The following EEFSEC variants were observed in gnomAD, a reference collection of about 807,000 sequenced individuals.
EEFSEC encodes eukaryotic elongation factor, selenocysteine-tRNA specific.
Under a neutral mutation model 42.1 loss-of-function variants are expected in EEFSEC, and 43 were observed. The ratio of observed to expected loss-of-function variants is 1.02; its 90% CI spans 0.80 to 1.32. The LOEUF (loss-of-function observed/expected upper bound fraction) is 1.32, where lower values mean the gene tolerates loss of function less well. Ranked by LOEUF, EEFSEC falls within the 40% of genes most tolerant of loss-of-function variation. EEFSEC has a pLI of 0.00. For missense variants in EEFSEC, 745 were observed against 803.6 expected (o/e 0.93, Z 0.88); for synonymous variants, 354 against 339.1 (o/e 1.04, Z -0.48).
At chr3:128,157,713 C>T (rs920530127) in intron 1 of EEFSEC, among the ~76,000 whole-genome samples, 12 of 152,200 alleles carry the variant, frequency 7.9e-5, no homozygotes, top group Non-Finnish European at 1.2e-4. Context: ...AAAAATACTC[C>T]TTTCAAAATA....
At chr3:128,322,318 G>A (rs1010373709) in intron 4 of EEFSEC, among the ~76,000 whole-genome samples, 2 of 152,246 alleles carry the variant, frequency 1.3e-5, no homozygotes, top group East Asian at 1.9e-4. Flanking sequence ...TGGAGGGACC[G>A]TGTCCCTACC....
downstream of EEFSEC, among the ~76,000 whole-genome samples, chr3:128,412,723 A>G (rs1301701383): frequency 3.9e-5 from 6 of 152,228 alleles, no homozygotes; most frequent in African/African-American, 7.2e-5. Context: ...TTTGACTGAT[A>G]ACGGGGTTGA....
At chr3:128,349,471 T>A (rs2067356888) in intron 5 of EEFSEC, among the ~76,000 whole-genome samples, 1 of 152,148 alleles carries the variant, frequency 6.6e-6, no homozygotes, top group South Asian at 2.1e-4. Flanking sequence ...TAGTAACAAA[T>A]CATGACTTTT....
intron 4 of EEFSEC, among the ~76,000 whole-genome samples, chr3:128,293,822 A>G (rs1306006172): frequency 6.6e-6 from 1 of 152,154 alleles, no homozygotes; most frequent in Non-Finnish European, 1.5e-5. Flanking sequence ...TAATTTTTCT[A>G]AAAGGGTAAT....
chr3:128,246,377 C>G (rs1355791620), intron 1 of EEFSEC, among the ~76,000 whole-genome samples: 1 of 152,254 alleles, frequency 6.6e-6, no homozygotes, highest in African/African-American at 2.4e-5. Context: ...TAATCCTCCC[C>G]CTTCTGCCTC....
intron 5 of EEFSEC, among the ~76,000 whole-genome samples, chr3:128,357,910 T>C (rs2067476401): frequency 6.6e-6 from 1 of 151,802 alleles, no homozygotes; most frequent in South Asian, 2.1e-4. Context: ...CATTTCCTCA[T>C]CTGTAAAGTG....
chr3:128,177,998 T>C (rs1048696843), intron 1 of EEFSEC, among the ~76,000 whole-genome samples: 2 of 152,188 alleles, frequency 1.3e-5, no homozygotes, highest in Admixed American at 6.5e-5. Context: ...ACAAACATGA[T>C]AGACCTCAAG....
At chr3:128,301,656 G>C (rs1268899612) in intron 4 of EEFSEC, among the ~76,000 whole-genome samples, 2 of 152,138 alleles carry the variant, frequency 1.3e-5, no homozygotes, top group Admixed American at 1.3e-4. Context: ...TCTTCCTTCT[G>C]TCCTTTTCCC....
intron 1 of EEFSEC, among the ~76,000 whole-genome samples, chr3:128,163,949 A>AAC (rs63139661): frequency 1.4e-5 from 2 of 147,398 alleles, no homozygotes; most frequent in East Asian, 2.0e-4. Flanking sequence ...AAAAAAAAAA[A>AAC]AAACAAAACT....
chr3:128,270,397 C>A (rs1038308150), intron 4 of EEFSEC, among the ~76,000 whole-genome samples: 1 of 152,122 alleles, frequency 6.6e-6, no homozygotes, highest in Non-Finnish European at 1.5e-5. Flanking sequence ...AATCAATGTT[C>A]TGATAATGAT....
At chr3:128,363,758 A>G (rs1159341441) in intron 6 of EEFSEC, among the ~76,000 whole-genome samples, 1 of 152,248 alleles carries the variant, frequency 6.6e-6, no homozygotes, top group Non-Finnish European at 1.5e-5. Context: ...GCATGAATGA[A>G]TAAATGAAGG....
chr3:128,279,354 A>G (rs138015788), intron 4 of EEFSEC, among the ~76,000 whole-genome samples: 1,959 of 152,334 alleles, frequency 0.013, 30 homozygotes, highest in Middle Eastern at 0.037. Flanking sequence ...GTCTAGCAGC[A>G]TCCCTGGCCT....
At chr3:128,304,961 C>A (rs1008549261) in intron 4 of EEFSEC, among the ~76,000 whole-genome samples, 1 of 152,164 alleles carries the variant, frequency 6.6e-6, no homozygotes, top group East Asian at 1.9e-4. Context: ...GGCTTGACCT[C>A]CAAAAGTGCT....
intron 1 of EEFSEC, among the ~76,000 whole-genome samples, chr3:128,166,419 A>G (rs1399168911): frequency 6.6e-6 from 1 of 152,232 alleles, no homozygotes; most frequent in Non-Finnish European, 1.5e-5. Flanking sequence ...TGGCTAGTGT[A>G]ACTAAAGACT....
At position 128,408,296 on chromosome 3, in the gene EEFSEC, C is replaced by A; in HGVS notation, c.*37C>A. The A allele has an allele frequency of 1.3e-6, 2 of 1,515,914 alleles. No individual in the cohort carries two copies. Among genetic ancestry groups the A allele is most frequent in the South Asian group, 1.3e-5 (1 of 77,066 alleles). 93.9% of individuals were successfully genotyped at this position (1,515,914 alleles called of 1,614,324 possible). On this transcript the variant is annotated 3_prime_UTR_variant, in exon 7 of 7. Coordinates refer to ENST00000254730, the MANE Select transcript of EEFSEC (RefSeq NM_021937.5). ...CCTCCCCCAGGGCCTCCTTGCCCAG[C>A]CCAGTCCAGGCTGCTGTGCCAAATC... is the stretch of plus-strand genomic sequence containing the variant.
At chr3:128,385,992 A>T (rs1222168458) in intron 6 of EEFSEC, among the ~76,000 whole-genome samples, 1 of 152,216 alleles carries the variant, frequency 6.6e-6, no homozygotes, top group East Asian at 1.9e-4. Context: ...CCCCCAAAGA[A>T]TGTTCACAGT....
At chr3:128,405,497 C>T (rs1186870447) in intron 6 of EEFSEC, among the ~76,000 whole-genome samples, 1 of 152,222 alleles carries the variant, frequency 6.6e-6, no homozygotes, top group Non-Finnish European at 1.5e-5. Context: ...TGTGGGGCTT[C>T]CAGTAAGTCA....
In EEFSEC at chr3:128,334,569, A is replaced by G. The variant is rs558339012; in HGVS notation, c.787-6664A>G. 3.3e-4 allele frequency among the ~76,000 whole-genome samples: 51 copies of G among 152,358 alleles called. No homozygotes were observed. The East Asian group carries it at 5.4e-3, about 16-fold the overall frequency. ...ATCAAAAACCTCTGTTTCTTCATCC[A>G]TAAAATTGAATGTCAAAATATTGAC... On this transcript the variant is annotated intron_variant, in intron 4 of 6. Transcript: ENST00000254730.
intron 1 of EEFSEC, among the ~76,000 whole-genome samples, chr3:128,198,578 G>A (rs2065610884): frequency 6.6e-6 from 1 of 152,170 alleles, no homozygotes; most frequent in Non-Finnish European, 1.5e-5. Flanking sequence ...CAGTGACAGG[G>A]CCATGAGCTT....
Sources: gnomAD v4.1 joint callset for allele counts (sites outside exome capture counted in the v4.1 genomes callset) on GRCh38, gnomAD v4.1.1 for gene constraint, MANE v1.5 for transcripts, NCBI Gene and HGNC (gene_info 2026-07-23, HGNC 2026-07-21) for gene names.